BBS9: variants seen among roughly 807,000 people sequenced by gnomAD.
BBS9 encodes protein PTHB1.
In BBS9, 89 loss-of-function variants were observed where a neutral mutation model predicts 117.7. The observed-to-expected ratio is 0.76, with a 90% CI of 0.64 to 0.90. BBS9 has a LOEUF of 0.90. BBS9 is among the 40% of genes least tolerant of loss of function. The pLI is 0.00. For missense variants in BBS9, 982 were observed against 1,042.2 expected (o/e 0.94, Z 0.80); for synonymous variants, 379 against 370.9 (o/e 1.02, Z -0.25).
At chr7:33,290,398 G>A (rs1803784981) in intron 9 of BBS9, among the ~76,000 whole-genome samples, 1 of 152,088 alleles carries the variant, frequency 6.6e-6, no homozygotes, top group Non-Finnish European at 1.5e-5. Flanking sequence ...CAATCACATG[G>A]GGAATAATGG....
chr7:33,596,140 T>C (rs762266800), intron 21 of BBS9, among the ~76,000 whole-genome samples: 4 of 151,522 alleles, frequency 2.6e-5, no homozygotes, highest in Non-Finnish European at 5.9e-5. Context: ...TATACCTTTG[T>C]AACAAACCTG....
chr7:33,546,851 T>C (rs1339853407), intron 21 of BBS9, among the ~76,000 whole-genome samples: 1 of 152,206 alleles, frequency 6.6e-6, no homozygotes, highest in Non-Finnish European at 1.5e-5. Flanking sequence ...ATGGCTGTTA[T>C]AGTACTTGTG....
intron 9 of BBS9, among the ~76,000 whole-genome samples, chr7:33,274,802 C>T (rs1264680966): frequency 6.6e-6 from 1 of 152,018 alleles, no homozygotes; most frequent in African/African-American, 2.4e-5. Flanking sequence ...CAAGACCAGC[C>T]TGGCCAACAT....
chr7:33,273,987 A>T (rs1214115346), intron 9 of BBS9, 31 bp downstream of exon 9: 1 of 1,609,796 alleles, frequency 6.2e-7, no homozygotes, highest in Non-Finnish European at 8.5e-7. Flanking sequence ...CAGTTTTTAA[A>T]GAGGATGTTA....
chr7:33,316,530 G>A (rs1299380881), intron 9 of BBS9, among the ~76,000 whole-genome samples: 1 of 152,072 alleles, frequency 6.6e-6, no homozygotes. Context: ...TGACAGTTCT[G>A]GTTGCTCAAC....
intron 9 of BBS9, among the ~76,000 whole-genome samples, chr7:33,335,866 G>C (rs1815248087): frequency 6.6e-6 from 1 of 152,122 alleles, no homozygotes; most frequent in South Asian, 2.1e-4. Flanking sequence ...GGAGGACCTG[G>C]GAAAGAGGGC....
At chr7:33,325,933 A>C (rs1367694797) in intron 9 of BBS9, among the ~76,000 whole-genome samples, 5 of 152,150 alleles carry the variant, frequency 3.3e-5, no homozygotes, top group Admixed American at 3.3e-4. Flanking sequence ...ATGCTGGGTA[A>C]GAGCTGAATC....
chr7:33,307,518 C>T (rs756363483), intron 9 of BBS9, among the ~76,000 whole-genome samples: 1 of 151,922 alleles, frequency 6.6e-6, no homozygotes, highest in Non-Finnish European at 1.5e-5. Flanking sequence ...ACACTCATCC[C>T]TTAGTATGTG....
chr7:33,630,342 A>C (rs12672858), intron 21 of BBS9, among the ~76,000 whole-genome samples: 22,201 of 152,186 alleles, frequency 0.15, 1,888 homozygotes, highest in East Asian at 0.36. Context: ...AAAGTGTACA[A>C]GTTCAAATTT....
At chr7:33,608,570 A>G (rs1469254921), downstream of BBS9, among the ~76,000 whole-genome samples, 10 of 152,108 alleles carry the variant, frequency 6.6e-5, no homozygotes, top group Admixed American at 6.6e-4. Context: ...AATAATAGCC[A>G]TTCTGACTGG....
chr7:33,614,200 C>A (rs1299246645), intron 21 of BBS9, among the ~76,000 whole-genome samples: 2 of 152,136 alleles, frequency 1.3e-5, no homozygotes, highest in Admixed American at 6.6e-5. Context: ...TTTTAAAATA[C>A]AGTTTTAAAT....
At chr7:33,546,771 C>T (rs111985415) in intron 21 of BBS9, among the ~76,000 whole-genome samples, 22 of 152,300 alleles carry the variant, frequency 1.4e-4, no homozygotes, top group Non-Finnish European at 2.2e-4. Flanking sequence ...TGTTCCACAA[C>T]GCATTCCCTG....
At chr7:33,350,210 G>T (rs1000975462) in intron 13 of BBS9, among the ~76,000 whole-genome samples, 1 of 151,662 alleles carries the variant, frequency 6.6e-6, no homozygotes, top group Non-Finnish European at 1.5e-5. Flanking sequence ...TCTTATTCAC[G>T]AAGTCAAGAA....
Position 33,492,202 on chromosome 7 carries a change from CG to C in BBS9, c.2116-13260del, listed in dbSNP as rs1332562431. Among the ~76,000 whole-genome samples the C allele has an allele frequency of 1.1e-3, 47 of 41,104 alleles. 1 individual carries two copies. Among genetic ancestry groups the C allele is most frequent in the African/African-American group, 7.6e-3 (46 of 6,028 alleles). 27.0% of individuals were successfully genotyped at this position (41,104 alleles called of 152,430 possible). ...TGGGTGACAAAGCAAGATTCCACCT[CG>C]AAAAAAAAAACAAAAAAAAAACAAA... On this transcript the variant is annotated intron_variant, in intron 19 of 22. Transcript: ENST00000242067.
intron 19 of BBS9, among the ~76,000 whole-genome samples, chr7:33,469,201 T>G (rs1205598828): frequency 6.6e-6 from 1 of 152,132 alleles, no homozygotes; most frequent in East Asian, 1.9e-4. Flanking sequence ...CCAAACCACT[T>G]TAGCCCAGAA....
At chr7:33,506,731 A>C (rs1169559236) in intron 20 of BBS9, among the ~76,000 whole-genome samples, 1 of 152,164 alleles carries the variant, frequency 6.6e-6, no homozygotes, top group Non-Finnish European at 1.5e-5. Flanking sequence ...TTTAAAAAAG[A>C]AGCTATATTT....
chr7:33,617,440 C>T (rs1865197207), intron 21 of BBS9, among the ~76,000 whole-genome samples: 1 of 152,000 alleles, frequency 6.6e-6, no homozygotes, highest in Non-Finnish European at 1.5e-5. Flanking sequence ...GAGGTCAGTG[C>T]CTCCTTCTTC....
intron 6 of BBS9, among the ~76,000 whole-genome samples, chr7:33,258,755 C>T (rs1254224736): frequency 6.6e-6 from 1 of 152,142 alleles, no homozygotes; most frequent in Non-Finnish European, 1.5e-5. Context: ...AATATTTAAA[C>T]ACCCAGTTAC....
At chr7:33,503,199 A>G (rs1364260007) in intron 19 of BBS9, among the ~76,000 whole-genome samples, 1 of 152,214 alleles carries the variant, frequency 6.6e-6, no homozygotes, top group Non-Finnish European at 1.5e-5. Context: ...TAAAATTACT[A>G]AGAATTTCAA....
Sources: gnomAD v4.1 joint callset for allele counts (sites outside exome capture counted in the v4.1 genomes callset) on GRCh38, gnomAD v4.1.1 for gene constraint, MANE v1.5 for transcripts, NCBI Gene and HGNC (gene_info 2026-07-23, HGNC 2026-07-21) for gene names.